Variants in CCDC77 observed in about 807,000 individuals in gnomAD.
CCDC77 encodes the protein coiled-coil domain containing 77.
Under a neutral mutation model 66.8 loss-of-function variants are expected in CCDC77, and 56 were observed. The observed-to-expected ratio is 0.84, with a 90% confidence interval of 0.68 to 1.05. The LOEUF is 1.05. Among genes scored for constraint, CCDC77 ranks in the 50% least tolerant of loss-of-function variants. The pLI is 0.00. For synonymous variants in CCDC77, 196 were observed against 195.2 expected (o/e 1.00, Z -0.03); for missense variants, 570 against 576.8 (o/e 0.99, Z 0.12).
intron 7 of CCDC77, 59 bp from the exon 8 acceptor site, chr12:431,807 C>CAAT: frequency 9.1e-7 from 1 of 1,103,944 alleles, no homozygotes; most frequent in Non-Finnish European, 1.4e-6. Flanking sequence ...ACTGATATTT[C>CAAT]AATAGCACAC....
At chr12:429,307 T>C (rs77550333) in intron 6 of CCDC77, among the ~76,000 whole-genome samples, 4,711 of 152,238 alleles carry the variant, frequency 0.031, 180 homozygotes, top group African/African-American at 0.089. Context: ...TAGTTTGGTG[T>C]ATATACTTCC....
chr12:397,707 C>T (rs530849297), upstream of CCDC77, among the ~76,000 whole-genome samples: 63 of 151,662 alleles, frequency 4.2e-4, no homozygotes, highest in African/African-American at 1.3e-3. Flanking sequence ...AGTGCAGTGG[C>T]GCGATCTCAG....
intron 5 of CCDC77, among the ~76,000 whole-genome samples, chr12:422,827 T>TG (rs1280670376): frequency 6.6e-6 from 1 of 152,196 alleles, no homozygotes; most frequent in Admixed American, 6.6e-5. Context: ...TGGCCCAGGC[T>TG]GGTCTCCAAC....
intron 2 of CCDC77, among the ~76,000 whole-genome samples, chr12:406,840 G>A (rs1284765432): frequency 1.3e-5 from 2 of 152,206 alleles, no homozygotes; most frequent in African/African-American, 2.4e-5. Flanking sequence ...CCAGCCACTC[G>A]GGAGGCTGAG....
chr12:407,782 A>ATTTTTTTTT (rs386375348), intron 2 of CCDC77, among the ~76,000 whole-genome samples: 4 of 100,446 alleles, frequency 4.0e-5, no homozygotes, highest in Non-Finnish European at 5.5e-5. Flanking sequence ...AGGACTGAAG[A>ATTTTTTTTT]TTTTTTTTTT....
chr12:417,292 G>C (rs1945304036), intron 4 of CCDC77, among the ~76,000 whole-genome samples: 1 of 152,076 alleles, frequency 6.6e-6, no homozygotes, highest in Admixed American at 6.6e-5. Context: ...GACAACATCA[G>C]GCTCTCTCAT....
intron 3 of CCDC77, among the ~76,000 whole-genome samples, chr12:410,545 G>GGCATGA (rs1945087154): frequency 6.6e-6 from 1 of 151,804 alleles, no homozygotes; most frequent in Non-Finnish European, 1.5e-5. Context: ...TGGGATTACA[G>GGCATGA]GCTAATTTTT....
At chr12:397,937 C>A (rs1353544236), upstream of CCDC77, among the ~76,000 whole-genome samples, 2 of 152,142 alleles carry the variant, frequency 1.3e-5, no homozygotes, top group Non-Finnish European at 2.9e-5. Context: ...TGAGCCACCG[C>A]GACTGGCCTT....
At position 428,510 on chromosome 12, in the gene CCDC77, C is replaced by CAA. The variant is rs59414510; in HGVS notation, c.414-234_414-233dup. ...TGGACAACAGAGCGAGACTCTGTCT[C>CAA]AAAAAAAAAAAAAAAAAAAAAAAAA... On this transcript the variant is annotated intron_variant, in intron 5 of 12. Transcript: ENST00000239830. Among the ~76,000 whole-genome samples the CAA allele has an allele frequency of 8.3e-4, 48 of 57,868 alleles. 1 individual carries two copies. Among genetic ancestry groups the CAA allele is most frequent in the African/African-American group, 1.9e-3 (26 of 13,734 alleles). 38.0% of individuals were successfully genotyped at this position (57,868 alleles called of 152,430 possible).
intron 7 of CCDC77, among the ~76,000 whole-genome samples, chr12:430,957 G>A (rs80128115): frequency 0.017 from 2,620 of 150,878 alleles, 113 homozygotes; most frequent in South Asian, 0.13. Context: ...GCAGGCGCCT[G>A]TAATCCTAGC....
intron 2 of CCDC77, among the ~76,000 whole-genome samples, chr12:408,669 A>G (rs1424988666): frequency 3.3e-5 from 5 of 152,184 alleles, no homozygotes; most frequent in East Asian, 1.9e-4. Flanking sequence ...ACCTCGCTCT[A>G]TGTACTGTTT....
At chr12:390,644 C>T (rs1342568701) in intron 1 of CCDC77, among the ~76,000 whole-genome samples, 1 of 152,170 alleles carries the variant, frequency 6.6e-6, no homozygotes. Context: ...CACCTTTTCC[C>T]TGGCCTCCAG....
chr12:393,006 T>C (rs920037319), intron 1 of CCDC77, among the ~76,000 whole-genome samples: 1 of 78,622 alleles, frequency 1.3e-5, no homozygotes, highest in African/African-American at 4.1e-5. Context: ...AGCTGGATTA[T>C]CATATCTGTT....
Position 433,193 on chromosome 12 carries a change from A to G in CCDC77, c.692A>G (p.Gln231Arg), listed in dbSNP as rs1179099901. The G allele has an allele frequency of 6.2e-7, 1 of 1,613,878 alleles. No individual in the cohort carries two copies. Among genetic ancestry groups the G allele is most frequent in the Non-Finnish European group, 8.5e-7 (1 of 1,179,950 alleles). ...GTCTAGGTGGAAGCACTGCAGGCTCAGCTGGGAGAGCAGACCAAACTTTCT... is the reference window on the plus strand; with the variant it reads ...GTCTAGGTGGAAGCACTGCAGGCTCGGCTGGGAGAGCAGACCAAACTTTCT... ...LILQVEALQA[Q>R]LGEQTKLSRE... Residue 231 changes from glutamine to arginine, a missense_variant, in exon 9 of 13, where the codon CAG (glutamine) becomes CGG (arginine). Transcript: ENST00000239830.
chr12:433,393 T>TGGCCGGGCGCGGTGGCTC, intron 9 of CCDC77, 71 bp downstream of exon 9: 1 of 1,575,904 alleles, frequency 6.3e-7, no homozygotes, highest in East Asian at 2.3e-5. Context: ...TAACATTTTG[T>TGGCCGGGCGCGGTGGCTC]ACTTGAACAA....
chr12:404,768 G>C (rs926316360), intron 1 of CCDC77, among the ~76,000 whole-genome samples: 3 of 150,916 alleles, frequency 2.0e-5, no homozygotes, highest in African/African-American at 4.9e-5. Flanking sequence ...TGTTGCCCAG[G>C]CTGGAGTGTA....
intron 5 of CCDC77, chr12:418,871 G>A: frequency 4.6e-6 from 2 of 430,422 alleles, no homozygotes; most frequent in South Asian, 3.0e-5. Context: ...GCTCATTTTT[G>A]TATTTTTAGT....
chr12:434,353 C>CTT (rs537288173), intron 9 of CCDC77, among the ~76,000 whole-genome samples: 3,932 of 137,244 alleles, frequency 0.029, 187 homozygotes, highest in African/African-American at 0.1. Flanking sequence ...ACTTTTCTTT[C>CTT]TTTTTTTTTT....
At chr12:416,712 GT>G (rs1406969206) in intron 4 of CCDC77, among the ~76,000 whole-genome samples, 1 of 151,536 alleles carries the variant, frequency 6.6e-6, no homozygotes, top group Non-Finnish European at 1.5e-5. Flanking sequence ...TCTCTAGAAC[GT>G]TTTCATTTTA....
Sources: gnomAD v4.1 joint callset for allele counts (sites outside exome capture counted in the v4.1 genomes callset) on GRCh38, gnomAD v4.1.1 for gene constraint, MANE v1.5 for transcripts, NCBI Gene and HGNC (gene_info 2026-07-23, HGNC 2026-07-21) for gene names.